The following MARCHF4 variants were observed in gnomAD, a reference collection of about 807,000 sequenced individuals.
MARCHF4 encodes the protein membrane associated ring-CH-type finger 4.
Under a neutral mutation model 43.9 loss-of-function variants are expected in MARCHF4, and 14 were observed. That is an observed-to-expected ratio of 0.32 (90% CI 0.21 to 0.50). The LOEUF (loss-of-function observed/expected upper bound fraction) is 0.50, where lower values mean the gene tolerates loss of function less well. Among genes scored for constraint, MARCHF4 ranks in the 20% least tolerant of loss-of-function variants. The pLI, the probability that MARCHF4 is intolerant of heterozygous loss-of-function variation, is 0.98. For missense variants in MARCHF4, 468 were observed against 536.7 expected, an observed-to-expected ratio of 0.87 and a Z score of 1.27; for synonymous variants, 226 against 213.3, an observed-to-expected ratio of 1.06 and a Z score of -0.52.
intron 1 of MARCHF4, among the ~76,000 whole-genome samples, chr2:216,322,320 G>A (rs1002915291): frequency 6.6e-6 from 1 of 152,220 alleles, no homozygotes; most frequent in Admixed American, 6.5e-5. Context: ...TAAGTTGCCT[G>A]GAATAATCAG....
intron 1 of MARCHF4, among the ~76,000 whole-genome samples, chr2:216,325,731 T>C (rs931194843): frequency 5.3e-5 from 8 of 150,650 alleles, no homozygotes; most frequent in Non-Finnish European, 1.0e-4. Context: ...ATTTAATAAA[T>C]GGTGCTGGGA....
chr2:216,294,849 A>G (rs1197750137), intron 1 of MARCHF4, among the ~76,000 whole-genome samples: 1 of 152,242 alleles, frequency 6.6e-6, no homozygotes, highest in Non-Finnish European at 1.5e-5. Context: ...AAACTTACTG[A>G]GCACTTATCA....
At chr2:216,346,080 T>C (rs1288448416) in intron 1 of MARCHF4, among the ~76,000 whole-genome samples, 1 of 152,140 alleles carries the variant, frequency 6.6e-6, no homozygotes, top group African/African-American at 2.4e-5. Context: ...CAGTCTACAG[T>C]GTAGTTAGCT....
intron 3 of MARCHF4, among the ~76,000 whole-genome samples, chr2:216,269,915 T>G (rs899657684): frequency 6.6e-6 from 1 of 152,176 alleles, no homozygotes; most frequent in Non-Finnish European, 1.5e-5. Flanking sequence ...AACTGTCCCT[T>G]ACTTGGTTAG....
intron 1 of MARCHF4, among the ~76,000 whole-genome samples, chr2:216,333,797 C>T (rs1692116170): frequency 6.6e-6 from 1 of 152,162 alleles, no homozygotes; most frequent in Non-Finnish European, 1.5e-5. Flanking sequence ...TGGAAAGAGA[C>T]CCGTCCCTAG....
In MARCHF4 at chr2:216,270,715, C is replaced by T. The variant is rs377617909; in HGVS notation, c.865+6957G>A. On this transcript the variant is annotated intron_variant, in intron 3 of 3. Transcript: ENST00000273067. ...TGCCAAGGACATACCCTTTTGTTGTCCTTTGTTCTATCCATTGCCCATCCC... is the reference window on the plus strand; with the variant it reads ...TGCCAAGGACATACCCTTTTGTTGTTCTTTGTTCTATCCATTGCCCATCCC... Among the ~76,000 whole-genome samples, 3 of 152,084 alleles carry T rather than the reference C, an allele frequency of 2.0e-5. No homozygotes were observed. In the East Asian group the frequency reaches 5.8e-4, roughly 30 times the overall value.
At chr2:216,272,461 C>A (rs184447734) in intron 3 of MARCHF4, among the ~76,000 whole-genome samples, 24 of 152,236 alleles carry the variant, frequency 1.6e-4, no homozygotes, top group African/African-American at 5.8e-4. Flanking sequence ...AATTTCCCCC[C>A]AACCTGCCTC....
chr2:216,316,606 A>C (rs1326642870), intron 1 of MARCHF4, among the ~76,000 whole-genome samples: 1 of 152,142 alleles, frequency 6.6e-6, no homozygotes, highest in Non-Finnish European at 1.5e-5. Context: ...GAGGCACAAA[A>C]AAATAGATAC....
At position 216,327,580 on chromosome 2, in the gene MARCHF4, T is replaced by C. The variant is rs183348960; in HGVS notation, c.516+42165A>G. On this transcript the variant is annotated intron_variant, in intron 1 of 3. Transcript: ENST00000273067. ...TCTGCAACCTCTCTCAGTCACCTGT[T>C]TCAGCGCTTAGCAACACTTAACATT... is the stretch of plus-strand genomic sequence containing the variant. Among the ~76,000 whole-genome samples, 426 of 152,324 alleles carry C rather than the reference T, an allele frequency of 2.8e-3. 1 individual carries two copies. The highest frequency in any genetic ancestry group is 3.9e-3 in the Non-Finnish European group (265 of 68,028).
intron 1 of MARCHF4, among the ~76,000 whole-genome samples, chr2:216,313,305 G>T (rs1411802325): frequency 1.3e-5 from 2 of 152,006 alleles, no homozygotes; most frequent in Non-Finnish European, 2.9e-5. Context: ...GATTTTAGAG[G>T]CAAATGGCAT....
intron 1 of MARCHF4, among the ~76,000 whole-genome samples, chr2:216,353,568 G>T (rs752723640): frequency 6.6e-6 from 1 of 151,980 alleles, no homozygotes; most frequent in East Asian, 1.9e-4. Context: ...TTTTTTCTGC[G>T]ATGGAGTCTT....
chr2:216,329,176 C>A (rs1037744979), intron 1 of MARCHF4, among the ~76,000 whole-genome samples: 3 of 152,104 alleles, frequency 2.0e-5, no homozygotes, highest in Admixed American at 6.6e-5. Flanking sequence ...GTCAGGAGAT[C>A]GAGACCATCC....
At chr2:216,259,858 G>T in intron 3 of MARCHF4, 179 bp from the exon 4 acceptor site, 2 of 624,948 alleles carry the variant, frequency 3.2e-6, no homozygotes, top group South Asian at 4.2e-5. Flanking sequence ...AGGTGGAGGG[G>T]CCACCAGACC....
intron 1 of MARCHF4, among the ~76,000 whole-genome samples, chr2:216,364,721 A>G (rs1692639659): frequency 6.6e-6 from 1 of 152,252 alleles, no homozygotes; most frequent in Non-Finnish European, 1.5e-5. Context: ...AGGACTGTCC[A>G]TACACGTTGG....
chr2:216,339,532 C>T (rs1036418579), intron 1 of MARCHF4, among the ~76,000 whole-genome samples: 1 of 152,216 alleles, frequency 6.6e-6, no homozygotes, highest in African/African-American at 2.4e-5. Flanking sequence ...TCATTCTTTC[C>T]TCTCCTCTAC....
intron 1 of MARCHF4, among the ~76,000 whole-genome samples, chr2:216,303,963 A>G (rs75899733): frequency 0.069 from 10,446 of 152,164 alleles, 1,183 homozygotes; most frequent in African/African-American, 0.24. Flanking sequence ...TCACCTGGAA[A>G]TGGCACCAAC....
chr2:216,259,134 A>T lies in MARCHF4; in HGVS notation c.*178T>A, dbSNP rs780849679. On this transcript the variant is annotated 3_prime_UTR_variant, in exon 4 of 4. Transcript: ENST00000273067. ...GTGGAGAGTGGCATTGACTGATTGGAAATAGCAGAACTGCTCCTGCACCAG... is the reference window on the plus strand; with the variant it reads ...GTGGAGAGTGGCATTGACTGATTGGTAATAGCAGAACTGCTCCTGCACCAG... The T allele has an allele frequency of 2.7e-5, 21 of 779,528 alleles. No individual in the cohort carries two copies. Among genetic ancestry groups the T allele is most frequent in the Non-Finnish European group, 3.5e-5 (18 of 516,246 alleles). The allele number at this position is 779,528 out of a possible 1,614,324, so 48.3% of individuals were successfully genotyped here.
chr2:216,281,136 A>T (rs1225025244), intron 2 of MARCHF4, among the ~76,000 whole-genome samples: 2 of 145,184 alleles, frequency 1.4e-5, no homozygotes, highest in Non-Finnish European at 3.0e-5. Context: ...TGGCATAATC[A>T]TAGCTCACTA....
intron 1 of MARCHF4, among the ~76,000 whole-genome samples, chr2:216,368,783 C>G (rs984615577): frequency 1.3e-5 from 2 of 152,318 alleles, no homozygotes; most frequent in Non-Finnish European, 2.9e-5. Flanking sequence ...CTGCGTGAGC[C>G]TTTCTATCTG....
Sources: gnomAD v4.1 joint callset for allele counts (sites outside exome capture counted in the v4.1 genomes callset) on GRCh38, gnomAD v4.1.1 for gene constraint, MANE v1.5 for transcripts, NCBI Gene and HGNC (gene_info 2026-07-23, HGNC 2026-07-21) for gene names.